OGT: variants seen among roughly 807,000 people sequenced by gnomAD.
The protein encoded by OGT is UDP-N-acetylglucosamine--peptide N-acetylglucosaminyltransferase 110 kDa subunit.
Under a neutral mutation model 75.8 loss-of-function variants are expected in OGT, and 3 were observed. The ratio of observed to expected loss-of-function variants is 0.04; its 90% CI spans 0.02 to 0.10. OGT has a LOEUF of 0.10. Among genes scored for constraint, OGT ranks in the 10% least tolerant of loss-of-function variants. OGT has a pLI of 1.00. For missense variants in OGT, 260 were observed against 824.4 expected, an observed-to-expected ratio of 0.32 and a Z score of 8.38; for synonymous variants, 257 against 289.7, an observed-to-expected ratio of 0.89 and a Z score of 1.15.
chrX:71,543,766 G>GTGTA lies in OGT; in HGVS notation c.463-800_463-799insGTAT, dbSNP rs1454042815. On this transcript the variant is annotated intron_variant, in intron 3 of 21. Coordinates refer to ENST00000373719, the MANE Select transcript of OGT (RefSeq NM_181672.3). ...TGTGTGTGTGTGTGTGTGTGTGTGT[G>GTGTA]TATATATATATATATATATATATAT... Among the ~76,000 whole-genome samples, 165 of 78,267 alleles carry GTGTA rather than the reference G, an allele frequency of 2.1e-3. 2 individuals carry two copies. The highest frequency in any genetic ancestry group is 3.5e-3 in the Non-Finnish European group (150 of 42,785). The allele number at this position is 78,267 out of a possible 115,157, so 68.0% of individuals were successfully genotyped here. A position where few individuals can be genotyped will look rare whatever the true frequency, so the allele number is the denominator to read the frequency against.
chrX:71,533,989 G>T (rs2040155140), intron 1 of OGT, among the ~76,000 whole-genome samples: 1 of 111,183 alleles, frequency 9.0e-6, no homozygotes, highest in Non-Finnish European at 1.9e-5. Context: ...AATTTCCAGG[G>T]GTTTCCTTTG....
intron 1 of OGT, among the ~76,000 whole-genome samples, chrX:71,534,859 G>T (rs2040163880): frequency 8.9e-6 from 1 of 111,811 alleles, no homozygotes; most frequent in Non-Finnish European, 1.9e-5. Flanking sequence ...TTCTATTAAA[G>T]ATATAACCTC....
rs376645492 is a variant in OGT, at chrX:71,546,887, G to A, written c.532-1020G>A. 20 of 753,817 alleles carry A rather than the reference G, an allele frequency of 2.7e-5. No homozygotes were observed. The African/African-American group carries it at 4.4e-4, about 16-fold the overall frequency. The allele number at this position is 753,817 out of a possible 1,213,427, so 62.1% of individuals were successfully genotyped here. The stretch of plus-strand genomic sequence containing the variant: ...GTAATCTGATTGACTGGCTCCCTCA[G>A]TCCTATTCTGTAGCCTTTTTGGATA... On this transcript the variant is annotated intron_variant, in intron 4 of 21. Coordinates refer to ENST00000373719, the MANE Select transcript of OGT (RefSeq NM_181672.3).
intron 7 of OGT, 133 bp from the exon 8 acceptor site, chrX:71,555,821 G>A: frequency 1.3e-6 from 1 of 752,831 alleles, no homozygotes; most frequent in Non-Finnish European, 1.9e-6. Flanking sequence ...TTGGTTGAGG[G>A]TAAGAATACC....
chrX:71,573,368 G>A (rs769511566), intron 21 of OGT, among the ~76,000 whole-genome samples: 25 of 112,211 alleles, frequency 2.2e-4, no homozygotes, highest in East Asian at 8.3e-4. Flanking sequence ...TGGAGAACGC[G>A]TGGTATCCCT....
At chrX:71,536,999 G>T (rs180710972) in intron 2 of OGT, 63 of 140,776 alleles carry the variant, frequency 4.5e-4, no homozygotes, top group African/African-American at 2.8e-3. Context: ...ACGGAGTTTC[G>T]CTCTTGTTGC....
At position 71,554,577 on chromosome X, in the gene OGT, C is replaced by G; in HGVS notation, c.713C>G (p.Ala238Gly). The G allele has an allele frequency of 8.3e-7, 1 of 1,204,005 alleles. No individual in the cohort carries two copies. Among genetic ancestry groups the G allele is most frequent in the Non-Finnish European group, 1.1e-6 (1 of 888,741 alleles). Residue 238 changes from alanine (A) to glycine (G), a missense_variant, in exon 6 of 22, where the codon GCA becomes GGA. Transcript: ENST00000373719. ...AATTTAGGAAATGTCTTGAAAGAGG[C>G]ACGCATTTTTGACAGGTGAGAGAAT... ...YINLGNVLKEARIFDRAVAAY... is the reference protein window; with the variant it reads ...YINLGNVLKEGRIFDRAVAAY...
chrX:71,556,156 A>C, intron 8 of OGT, 62 bp downstream of exon 8: 1 of 1,077,734 alleles, frequency 9.3e-7, no homozygotes, highest in South Asian at 2.2e-5. Context: ...AGTTAAGTTT[A>C]CCATCATCCA....
Position 71,557,897 on chromosome X carries a change from G to A in OGT, c.1602+225G>A, listed in dbSNP as rs190583535. Among the ~76,000 whole-genome samples, 105 of 110,896 alleles carry A rather than the reference G, an allele frequency of 9.5e-4. 2 individuals are homozygous for A. The highest frequency in any genetic ancestry group is 1.9e-4 in the Non-Finnish European group (10 of 52,895). On this transcript the variant is annotated intron_variant, in intron 12 of 21. Coordinates refer to ENST00000373719, the MANE Select transcript of OGT (RefSeq NM_181672.3). ...TTAACTCCTTCACTTAAACACTAAT[G>A]ATAGACTGATGGTACTTTTCTTTAA...
At chrX:71,543,990 T>G (rs1051665288) in intron 3 of OGT, among the ~76,000 whole-genome samples, 2 of 109,489 alleles carry the variant, frequency 1.8e-5, no homozygotes, top group African/African-American at 6.6e-5. Flanking sequence ...TTCGCCATGT[T>G]GGCCAGGTTG....
Position 71,554,494 on chromosome X carries a change from A to G in OGT, c.649-19A>G. On this transcript the variant is annotated intron_variant, in intron 5 of 21. Transcript: ENST00000373719. ...AATCCTAACTTGCTCTGAGTAACTA[A>G]CTGTCTTGAAATTTTTAGGCTGTCA... 1.7e-6 allele frequency: 2 copies of G among 1,155,465 alleles called. No homozygotes were observed. The highest frequency in any genetic ancestry group is 2.4e-6 in the Non-Finnish European group (2 of 845,470).
intron 3 of OGT, among the ~76,000 whole-genome samples, chrX:71,544,185 C>T (rs1437657295): frequency 9.0e-6 from 1 of 111,554 alleles, no homozygotes; most frequent in Non-Finnish European, 1.9e-5. Context: ...GGGCCAAATG[C>T]ATTTCAACAT....
intron 3 of OGT, among the ~76,000 whole-genome samples, chrX:71,541,452 T>A (rs1173033108): frequency 9.0e-6 from 1 of 111,684 alleles, no homozygotes; most frequent in African/African-American, 3.3e-5. Flanking sequence ...AATGGGGAGA[T>A]GTGTTGTGGG....
At chrX:71,555,882 AATT>A in intron 7 of OGT, 69 bp from the exon 8 acceptor site, 3 of 1,106,850 alleles carry the variant, frequency 2.7e-6, no homozygotes, top group Non-Finnish European at 3.7e-6. Flanking sequence ...TTAATTAAAC[AATT>A]ATTAGAACAG....
Position 71,533,137 on chromosome X carries a change from G to A in OGT, c.-163G>A, listed in dbSNP as rs2147664379. On this transcript the variant is annotated 5_prime_UTR_variant, in exon 1 of 22. It removes the in-frame stop codon of an upstream open reading frame in the 5' UTR. Coordinates refer to ENST00000373719, the MANE Select transcript of OGT (RefSeq NM_181672.3). ...ACCGTACTAGGTAGATGGTCAATTAGAGTTCCCAGGGTTTGAAGCCTGTAA... is the reference window on the plus strand; with the variant it reads ...ACCGTACTAGGTAGATGGTCAATTAAAGTTCCCAGGGTTTGAAGCCTGTAA... 1 of 486,915 alleles carries A rather than the reference G, an allele frequency of 2.1e-6. No individual in the cohort carries two copies. The highest frequency in any genetic ancestry group is 2.4e-5 in the African/African-American group (1 of 42,241). The allele number at this position is 486,915 out of a possible 1,213,427, so 40.1% of individuals were successfully genotyped here.
In OGT at chrX:71,557,112, C is replaced by T; in HGVS notation, c.1320+7C>T. ...TCTGGCTTCCATTCATAAGGTACTA[C>T]TGTTTATTATAATATGTGCAGTTTA... On this transcript the variant is annotated splice_region_variant and intron_variant, in intron 10 of 21. Coordinates refer to ENST00000373719, the MANE Select transcript of OGT (RefSeq NM_181672.3). 8.3e-7 allele frequency: 1 copy of T among 1,208,758 alleles called. No homozygotes were observed.
Position 71,563,218 on chromosome X carries a change from A to G in OGT, c.2237A>G (p.Asp746Gly). The G allele has an allele frequency of 8.3e-7, 1 of 1,210,042 alleles. No homozygotes were observed. The highest frequency in any genetic ancestry group is 1.1e-6 in the Non-Finnish European group (1 of 893,733). The stretch of plus-strand genomic sequence containing the variant: ...GGCATCGACCTCAAAGCATTTCTTG[A>G]TAGTCTACCAGATGTGAAAATTGTC... ...LNGIDLKAFL[D>G]SLPDVKIVKM... Residue 746 changes from aspartate (D) to glycine (G), a missense_variant, in exon 17 of 22, where the codon GAT (aspartate) becomes GGT (glycine). Around this residue, in one of 6 missense-constraint regions of OGT, gnomAD observed 79 missense variants for 141.0 expected, o/e 0.56. Coordinates refer to ENST00000373719, the MANE Select transcript of OGT (RefSeq NM_181672.3).
At chrX:71,559,176 T>C in intron 12 of OGT, 91 bp from the exon 13 acceptor site, 1 of 822,061 alleles carries the variant, frequency 1.2e-6, no homozygotes, top group Non-Finnish European at 1.8e-6. Flanking sequence ...TTTCAACAGG[T>C]GTGAGGTATA....
At chrX:71,566,753 T>C (rs2040419161) in intron 19 of OGT, among the ~76,000 whole-genome samples, 1 of 112,414 alleles carries the variant, frequency 8.9e-6, no homozygotes, top group South Asian at 3.7e-4. Flanking sequence ...GGTACTAATA[T>C]GTTTATAGGA....
Sources: gnomAD v4.1 joint callset for allele counts (sites outside exome capture counted in the v4.1 genomes callset) on GRCh38, gnomAD v4.1.1 for gene constraint, gnomAD v4.1.1 regional missense constraint, MANE v1.5 for transcripts, NCBI Gene and HGNC (gene_info 2026-07-23, HGNC 2026-07-21) for gene names.